The following DAB1 variants were observed in gnomAD, a reference collection of about 807,000 sequenced individuals.
The protein encoded by DAB1 is DAB adaptor protein 1.
A neutral mutation model predicts 64.6 loss-of-function variants in DAB1; 15 were observed. That is an observed-to-expected ratio of 0.23 (90% CI 0.16 to 0.36). The LOEUF is 0.36. DAB1 is among the 10% of genes least tolerant of loss of function. The pLI is 1.00. For missense variants in DAB1, 596 were observed against 706.7 expected, an observed-to-expected ratio of 0.84 and a Z score of 1.78; for synonymous variants, 235 against 251.9, an observed-to-expected ratio of 0.93 and a Z score of 0.64.
chr1:57,981,849 A>T (rs1229155201), intron 5 of DAB1, among the ~76,000 whole-genome samples: 1 of 152,182 alleles, frequency 6.6e-6, no homozygotes, highest in African/African-American at 2.4e-5. Flanking sequence ...CTAGAACAGG[A>T]TACTGTTCAA....
At chr1:57,328,663 G>T (rs1676388591) in intron 1 of DAB1, among the ~76,000 whole-genome samples, 1 of 152,152 alleles carries the variant, frequency 6.6e-6, no homozygotes, top group Non-Finnish European at 1.5e-5. Context: ...CTAATAATGG[G>T]AAGTGCCATG....
chr1:57,600,053 C>A (rs1230048278), intron 7 of DAB1, among the ~76,000 whole-genome samples: 1 of 152,156 alleles, frequency 6.6e-6, no homozygotes, highest in Non-Finnish European at 1.5e-5. Context: ...GATACCTTCT[C>A]GAGGAAGTCC....
intron 6 of DAB1, among the ~76,000 whole-genome samples, chr1:57,695,294 G>GAA (rs1646813305): frequency 1.2e-4 from 6 of 52,112 alleles, no homozygotes; most frequent in African/African-American, 4.0e-4. Context: ...GAAAGGGAGA[G>GAA]AGAAGGAAAG....
At chr1:57,379,992 C>A (rs1338131004) in intron 1 of DAB1, among the ~76,000 whole-genome samples, 1 of 152,180 alleles carries the variant, frequency 6.6e-6, no homozygotes, top group South Asian at 2.1e-4. Context: ...AAGTGTGTGG[C>A]ACATAGTAAA....
At chr1:57,840,717 C>A (rs852789) in intron 1 of DAB1, among the ~76,000 whole-genome samples, 33,717 of 151,980 alleles carry the variant, frequency 0.22, 4,387 homozygotes, top group Non-Finnish European at 0.29. Context: ...ACCATCAGAT[C>A]TCATGAGAAC....
intron 7 of DAB1, among the ~76,000 whole-genome samples, chr1:57,515,781 A>C (rs181863931): frequency 6.6e-6 from 1 of 152,374 alleles, no homozygotes; most frequent in African/African-American, 2.4e-5. Context: ...AAGGATACAG[A>C]CATGATAAGG....
At chr1:57,623,581 T>G (rs1227609643) in intron 7 of DAB1, among the ~76,000 whole-genome samples, 2 of 152,150 alleles carry the variant, frequency 1.3e-5, no homozygotes, top group Non-Finnish European at 2.9e-5. Flanking sequence ...ATGATATTGT[T>G]AGGCTCTGTA....
intron 4 of DAB1, among the ~76,000 whole-genome samples, chr1:58,291,396 T>C (rs1299958249): frequency 3.3e-5 from 5 of 152,158 alleles, no homozygotes; most frequent in Non-Finnish European, 1.5e-5. Context: ...CCTTCCACAA[T>C]CAAAACTTCC....
intron 4 of DAB1, among the ~76,000 whole-genome samples, chr1:58,176,773 A>G (rs1001373281): frequency 6.6e-5 from 10 of 152,220 alleles, no homozygotes; most frequent in African/African-American, 2.4e-4. Context: ...AGGTCAGGAG[A>G]TTGAAACCAT....
At chr1:58,526,952 T>C (rs953252817) in intron 2 of DAB1, among the ~76,000 whole-genome samples, 7 of 152,138 alleles carry the variant, frequency 4.6e-5, no homozygotes, top group African/African-American at 1.7e-4. Context: ...TCAAAAAATT[T>C]ATACACGCAA....
chr1:57,852,711 C>T (rs553863704), intron 1 of DAB1, among the ~76,000 whole-genome samples: 1 of 152,176 alleles, frequency 6.6e-6, no homozygotes, highest in African/African-American at 2.4e-5. Flanking sequence ...AATGAGGTAA[C>T]CCTACCTCTC....
intron 5 of DAB1, among the ~76,000 whole-genome samples, chr1:58,069,206 C>T (rs1055844456): frequency 2.6e-5 from 4 of 152,176 alleles, no homozygotes; most frequent in African/African-American, 4.8e-5. Context: ...ATCCAACATG[C>T]GTTTGTTGAG....
chr1:57,843,633 T>C (rs2101918747), intron 1 of DAB1, among the ~76,000 whole-genome samples: 1 of 152,282 alleles, frequency 6.6e-6, no homozygotes, highest in South Asian at 2.1e-4. Flanking sequence ...TACCTAAGGT[T>C]AGGGACATAT....
chr1:57,670,411 G>A (rs74901488), intron 6 of DAB1, among the ~76,000 whole-genome samples: 3 of 152,100 alleles, frequency 2.0e-5, no homozygotes, highest in Non-Finnish European at 4.4e-5. Context: ...ACCCTAGGAC[G>A]ATTGTGTGAG....
chr1:57,256,214 T>C (rs1669748122), intron 2 of DAB1, among the ~76,000 whole-genome samples: 1 of 152,212 alleles, frequency 6.6e-6, no homozygotes, highest in Non-Finnish European at 1.5e-5. Flanking sequence ...TCTTACACCC[T>C]GCACATTCTT....
intron 6 of DAB1, among the ~76,000 whole-genome samples, chr1:57,788,403 C>T (rs574355522): frequency 2.6e-5 from 4 of 152,258 alleles, no homozygotes; most frequent in South Asian, 4.2e-4. Flanking sequence ...AATCATTATG[C>T]TAAGTGAAAG....
At position 57,449,831 on chromosome 1, in the gene DAB1, T is replaced by C. The variant is rs186849743; in HGVS notation, n.626-158665A>G. 4.7e-4 allele frequency among the ~76,000 whole-genome samples: 71 copies of C among 152,354 alleles called. No individual in the cohort carries two copies. In the East Asian group the frequency reaches 0.013, roughly 27 times the overall value. On this transcript the variant is annotated intron_variant and non_coding_transcript_variant, in intron 7 of 20. Coordinates refer to the DAB1 transcript ENST00000485760. ...GTGTCTATTATCTTTATCCAGTTTATGAAAATGTGACATATTTGACATCAC... is the reference window on the plus strand; with the variant it reads ...GTGTCTATTATCTTTATCCAGTTTACGAAAATGTGACATATTTGACATCAC...
intron 3 of DAB1, among the ~76,000 whole-genome samples, chr1:57,142,607 C>CACACACACACACACACACACACAT (rs1658709591): frequency 2.7e-5 from 4 of 148,882 alleles, no homozygotes; most frequent in Non-Finnish European, 4.4e-5. Context: ...GTCACACACA[C>CACACACACACACACACACACACAT]ACACACACAC....
At chr1:58,364,236 A>G (rs1644194835) in intron 3 of DAB1, among the ~76,000 whole-genome samples, 1 of 152,202 alleles carries the variant, frequency 6.6e-6, no homozygotes, top group South Asian at 2.1e-4. Context: ...AGGAGGTGTG[A>G]AGAGGTTGGC....
Sources: gnomAD v4.1 joint callset for allele counts (sites outside exome capture counted in the v4.1 genomes callset) on GRCh38, gnomAD v4.1.1 for gene constraint, MANE v1.5 for transcripts, NCBI Gene and HGNC (gene_info 2026-07-23, HGNC 2026-07-21) for gene names.